ACYP2: variants seen among roughly 807,000 people sequenced by gnomAD.
ACYP2 encodes the protein acylphosphatase-2.
A neutral mutation model predicts 11.2 loss-of-function variants in ACYP2; 12 were observed. The ratio of observed to expected loss-of-function variants is 1.08; its 90% confidence interval spans 0.69 to 1.74. ACYP2 has a LOEUF of 1.74. Among genes scored for constraint, ACYP2 ranks in the 40% most tolerant of loss-of-function variants. The pLI is 0.00. For missense variants in ACYP2, 134 were observed against 101.9 expected (o/e 1.31, Z -1.35); for synonymous variants, 43 against 32.2 (o/e 1.33, Z -1.13).
At chr2:54,269,221 T>C (rs1307389605) in intron 6 of ACYP2, among the ~76,000 whole-genome samples, 1 of 152,202 alleles carries the variant, frequency 6.6e-6, no homozygotes, top group African/African-American at 2.4e-5. Flanking sequence ...GTGCTGGGAT[T>C]ACAGGCATGA....
In ACYP2 at chr2:54,147,525, C is replaced by T. The variant is rs1410234829; in HGVS notation, c.404+8777C>T. On this transcript the variant is annotated intron_variant, in intron 6 of 6. Coordinates refer to ENST00000607452, the MANE Select transcript of ACYP2 (RefSeq NM_001320586.2). ...AGTTACTCCTTCTCCACTTGCTTTC[C>T]TTCTTTCTTTTTGTTTTTAGGCAGG... Among the ~76,000 whole-genome samples, 5 of 151,970 alleles carry T rather than the reference C, an allele frequency of 3.3e-5. No individual in the cohort carries two copies. In the East Asian group the frequency reaches 9.7e-4, roughly 29 times the overall value.
At chr2:54,274,840 A>G (rs1688476331) in intron 6 of ACYP2, among the ~76,000 whole-genome samples, 1 of 152,180 alleles carries the variant, frequency 6.6e-6, no homozygotes, top group Non-Finnish European at 1.5e-5. Context: ...TCAGCCATGC[A>G]CGGTTTCTCC....
In ACYP2 at chr2:54,304,891, G is replaced by C; in HGVS notation, c.*89G>C. The C allele has an allele frequency of 5.7e-6, 3 of 526,604 alleles. No homozygotes were observed. Among genetic ancestry groups the C allele is most frequent in the Non-Finnish European group, 6.1e-6 (2 of 329,884 alleles). The allele number at this position is 526,604 out of a possible 1,614,324, so 32.6% of individuals were successfully genotyped here. A position where few individuals can be genotyped will look rare whatever the true frequency, so the allele number is the denominator to read the frequency against. ...TAGAATAATAGTAGCAGAGTAGGGT[G>C]AAAAGGAACTTTCTGTTCTGAAAGC... On this transcript the variant is annotated 3_prime_UTR_variant, in exon 7 of 7. Coordinates refer to ENST00000607452, the MANE Select transcript of ACYP2 (RefSeq NM_001320586.2).
chr2:54,286,277 G>A (rs1689074186), intron 6 of ACYP2, among the ~76,000 whole-genome samples: 1 of 152,016 alleles, frequency 6.6e-6, no homozygotes, highest in Non-Finnish European at 1.5e-5. Context: ...TCTGGGAGCT[G>A]TGGTTTGCTG....
At chr2:54,047,433 C>G (rs1363063) in intron 2 of ACYP2, among the ~76,000 whole-genome samples, 86,060 of 152,090 alleles carry the variant, frequency 0.57, 24,690 homozygotes, top group East Asian at 0.71. Flanking sequence ...TGCTGCGTGG[C>G]CCTGTCGAGT....
chr2:54,004,894 C>CAAA (rs754230632), intron 2 of ACYP2, among the ~76,000 whole-genome samples: 19 of 31,752 alleles, frequency 6.0e-4, no homozygotes, highest in South Asian at 1.2e-3. Flanking sequence ...GACTCTGTCT[C>CAAA]AAAAAAAAAA....
chr2:54,017,923 C>A (rs1673787899), intron 2 of ACYP2, among the ~76,000 whole-genome samples: 1 of 151,966 alleles, frequency 6.6e-6, no homozygotes, highest in African/African-American at 2.4e-5. Context: ...TGGTCTTGAA[C>A]TCCTGGCCTC....
chr2:54,033,864 C>G (rs902759230), intron 2 of ACYP2, among the ~76,000 whole-genome samples: 2 of 152,198 alleles, frequency 1.3e-5, no homozygotes, highest in African/African-American at 4.8e-5. Flanking sequence ...TCCCTAGATT[C>G]TGAAAAGAGT....
intron 6 of ACYP2, among the ~76,000 whole-genome samples, chr2:54,207,863 C>G (rs1685147021): frequency 6.6e-6 from 1 of 152,156 alleles, no homozygotes; most frequent in Non-Finnish European, 1.5e-5. Flanking sequence ...CTTTCAAGTT[C>G]TGTGTGTGCA....
chr2:53,993,976 G>T (rs1573469462), intron 2 of ACYP2, among the ~76,000 whole-genome samples: 1 of 152,208 alleles, frequency 6.6e-6, no homozygotes, highest in East Asian at 1.9e-4. Context: ...ACCAGGTCAA[G>T]AAGTTGAGAC....
chr2:54,007,691 C>G (rs909187876), intron 2 of ACYP2, among the ~76,000 whole-genome samples: 2 of 151,564 alleles, frequency 1.3e-5, no homozygotes, highest in Non-Finnish European at 3.0e-5. Context: ...ATGCGGAAAC[C>G]CTGTCTCTAC....
intron 6 of ACYP2, among the ~76,000 whole-genome samples, chr2:54,184,684 T>A (rs1267161600): frequency 6.6e-6 from 1 of 152,226 alleles, no homozygotes; most frequent in Admixed American, 6.5e-5. Context: ...AAATAGATTA[T>A]GTGCAGAATA....
At chr2:54,134,926 A>G (rs1457930967) in intron 4 of ACYP2, among the ~76,000 whole-genome samples, 1 of 152,254 alleles carries the variant, frequency 6.6e-6, no homozygotes, top group Non-Finnish European at 1.5e-5. Context: ...TCACAGTTTC[A>G]TGGACAGAAG....
intron 2 of ACYP2, among the ~76,000 whole-genome samples, chr2:54,041,869 C>G (rs1313746000): frequency 1.3e-5 from 2 of 152,228 alleles, no homozygotes; most frequent in East Asian, 3.9e-4. Context: ...CAGCTCACTG[C>G]AGCCTCAACC....
In ACYP2 at chr2:54,074,130, A is replaced by G. The variant is rs180831143; in HGVS notation, c.277+16770A>G. ...TGAGGTGAGGAAATTGCTTAAGGCC[A>G]GGAGTTTTATATCAGCCTGACCAAC... is the stretch of plus-strand genomic sequence containing the variant. On this transcript the variant is annotated intron_variant, in intron 4 of 6. Transcript: ENST00000607452. 7.0e-4 allele frequency among the ~76,000 whole-genome samples: 107 copies of G among 152,338 alleles called. 1 individual carries two copies. The highest frequency in any genetic ancestry group is 1.2e-3 in the Non-Finnish European group (79 of 68,030).
chr2:54,046,438 T>C (rs1298038261), intron 2 of ACYP2, among the ~76,000 whole-genome samples: 3 of 146,818 alleles, frequency 2.0e-5, no homozygotes, highest in Non-Finnish European at 4.5e-5. Context: ...TGCAGTGAAC[T>C]GCAGTGCCAT....
intron 4 of ACYP2, among the ~76,000 whole-genome samples, chr2:54,091,321 A>G (rs1274866263): frequency 2.0e-5 from 3 of 152,198 alleles, no homozygotes; most frequent in Non-Finnish European, 4.4e-5. Context: ...GGAAATCAAT[A>G]TATACTTTCT....
chr2:54,290,415 A>G (rs1689254127), intron 6 of ACYP2, among the ~76,000 whole-genome samples: 2 of 152,102 alleles, frequency 1.3e-5, no homozygotes, highest in Admixed American at 6.5e-5. Context: ...AAAATCAAAC[A>G]AACAGTATCA....
At chr2:54,224,719 C>CT (rs10680039) in intron 6 of ACYP2, among the ~76,000 whole-genome samples, 1 of 151,840 alleles carries the variant, frequency 6.6e-6, no homozygotes, top group Non-Finnish European at 1.5e-5. Flanking sequence ...GGTACCAGCC[C>CT]GTCTGCCTAG....
Sources: allele counts gnomAD v4.1 joint callset (sites outside exome capture counted in the v4.1 genomes callset), GRCh38; gene constraint gnomAD v4.1.1; transcripts MANE v1.5; gene names NCBI Gene and HGNC (gene_info 2026-07-23, HGNC 2026-07-21).